The following HECW2 variants were observed in gnomAD, a reference collection of about 807,000 sequenced individuals.
HECW2 encodes the protein E3 ubiquitin-protein ligase HECW2.
A neutral mutation model predicts 175.2 loss-of-function variants in HECW2; 61 were observed. That is an observed-to-expected ratio of 0.35 (90% CI 0.28 to 0.43). The LOEUF (loss-of-function observed/expected upper bound fraction) is 0.43, where lower values mean the gene tolerates loss of function less well. HECW2 is among the 20% of genes least tolerant of loss of function. The probability of loss-of-function intolerance (pLI) is 1.00; values close to 1 mark genes in which losing one functional copy is unlikely to be tolerated. For synonymous variants in HECW2, 671 were observed against 731.0 expected, an observed-to-expected ratio of 0.92 and a Z score of 1.32; for missense variants, 1,524 against 2,000.5, an observed-to-expected ratio of 0.76 and a Z score of 4.54.
In HECW2 at chr2:196,541,557, G is replaced by T. The variant is rs532472936; in HGVS notation, c.-36+51951C>A. Among the ~76,000 whole-genome samples, 186 of 152,208 alleles carry T rather than the reference G, an allele frequency of 1.2e-3. 1 individual carries two copies. Among genetic ancestry groups the T allele is most frequent in the Non-Finnish European group, 2.0e-3 (135 of 68,020 alleles). ...GCACGGAGGAAGGCTTATGGGTATG[G>T]CTTCTGCAAGAAAGCCCAGAGGAAC... On this transcript the variant is annotated intron_variant, in intron 1 of 28. Coordinates refer to ENST00000644978, the MANE Select transcript of HECW2 (RefSeq NM_001348768.2).
intron 22 of HECW2, 115 bp from the exon 23 acceptor site, chr2:196,225,985 T>C: frequency 3.0e-6 from 2 of 656,922 alleles, no homozygotes; most frequent in Non-Finnish European, 5.6e-6. Flanking sequence ...CAATATTAAT[T>C]GCCTACTAGG....
rs762567242 is a variant in HECW2, at chr2:196,222,289, G to A, written c.4068C>T (p.Ser1356=). The A allele has an allele frequency of 1.9e-6, 3 of 1,613,352 alleles. No individual in the cohort carries two copies. The South Asian group carries it at 3.3e-5, about 18-fold the overall frequency. Residue 1356 remains serine (S), a synonymous_variant, in exon 24 of 29, where the codon AGC becomes AGT. Transcript: ENST00000644978. ...TATCATTGTCTTTCATCCACTGCAGGCTCTGATGGAACTCTTCATCAAGGT... is the reference window on the plus strand; with the variant it reads ...TATCATTGTCTTTCATCCACTGCAGACTCTGATGGAACTCTTCATCAAGGT... ...LEYLDEEFHQ[S]LQWMKDNDIH... is the part of the protein sequence containing the mutation.
chr2:196,361,695 G>A, intron 2 of HECW2: 2 of 600,144 alleles, frequency 3.3e-6, no homozygotes, highest in Non-Finnish European at 4.2e-6. Context: ...GCTGGGAGGG[G>A]ACCACTTTTA....
intron 1 of HECW2, among the ~76,000 whole-genome samples, chr2:196,480,411 A>T (rs1429620755): frequency 6.6e-6 from 1 of 151,872 alleles, no homozygotes; most frequent in Non-Finnish European, 1.5e-5. Context: ...TTTCCCCCCA[A>T]CTCTCAGTCC....
At chr2:196,462,342 T>G (rs76765426) in intron 1 of HECW2, among the ~76,000 whole-genome samples, 1,757 of 152,188 alleles carry the variant, frequency 0.012, 40 homozygotes, top group African/African-American at 0.04. Context: ...AGAATAAAAT[T>G]AAGGAACTCT....
chr2:196,428,748 C>T (rs913329451), intron 2 of HECW2, among the ~76,000 whole-genome samples: 16 of 152,268 alleles, frequency 1.1e-4, no homozygotes, highest in African/African-American at 3.1e-4. Context: ...ACACTCTCCA[C>T]GAAGTAGTAA....
At chr2:196,258,318 C>T (rs925583727) in intron 17 of HECW2, among the ~76,000 whole-genome samples, 7 of 152,152 alleles carry the variant, frequency 4.6e-5, no homozygotes, top group Non-Finnish European at 8.8e-5. Context: ...CATCTATTTT[C>T]CTGAGGCCAT....
chr2:196,486,062 T>C (rs1686992085), intron 1 of HECW2, among the ~76,000 whole-genome samples: 6 of 152,136 alleles, frequency 3.9e-5, no homozygotes. Flanking sequence ...ACAAAAATAG[T>C]GTGAGAAACA....
chr2:196,575,532 GAATA>G (rs1690531152), intron 1 of HECW2, among the ~76,000 whole-genome samples: 3 of 152,090 alleles, frequency 2.0e-5, no homozygotes, highest in South Asian at 4.2e-4. Flanking sequence ...GTACATGAAT[GAATA>G]AAGAAAATAT....
rs185799826 is a variant in HECW2 at position 196,534,492 on chromosome 2, T to C, written c.-36+59016A>G. ...TAAATAATATATAGCCTAAGGAGCATGGAAGAATCTTTTCAGCCTCAGAAA... is the reference window on the plus strand; with the variant it reads ...TAAATAATATATAGCCTAAGGAGCACGGAAGAATCTTTTCAGCCTCAGAAA... On this transcript the variant is annotated intron_variant, in intron 1 of 28. Transcript: ENST00000644978. Among the ~76,000 whole-genome samples the C allele has an allele frequency of 2.6e-5, 4 of 152,298 alleles. No individual in the cohort carries two copies. In the East Asian group the frequency reaches 7.7e-4, roughly 29 times the overall value.
At chr2:196,413,334 G>T (rs763037211) in intron 2 of HECW2, among the ~76,000 whole-genome samples, 7 of 151,598 alleles carry the variant, frequency 4.6e-5, no homozygotes, top group Admixed American at 2.0e-4. Flanking sequence ...CAGCCTGGGT[G>T]ACAGAGCAAG....
At chr2:196,221,638 C>T (rs1290417356) in intron 24 of HECW2, among the ~76,000 whole-genome samples, 1 of 152,178 alleles carries the variant, frequency 6.6e-6, no homozygotes, top group Non-Finnish European at 1.5e-5. Flanking sequence ...AGGCTCACTG[C>T]AGCCTCAACC....
intron 28 of HECW2, among the ~76,000 whole-genome samples, chr2:196,214,592 T>C (rs1687402975): frequency 6.6e-6 from 1 of 152,214 alleles, no homozygotes; most frequent in Non-Finnish European, 1.5e-5. Flanking sequence ...AAATAATGAA[T>C]TCCCAGATTT....
chr2:196,569,045 A>C (rs1690282760), intron 1 of HECW2, among the ~76,000 whole-genome samples: 1 of 152,196 alleles, frequency 6.6e-6, no homozygotes, highest in African/African-American at 2.4e-5. Context: ...CTTTGTTATA[A>C]AATAGGCTCT....
chr2:196,436,019 A>G (rs985146472), intron 1 of HECW2, among the ~76,000 whole-genome samples: 3 of 152,184 alleles, frequency 2.0e-5, no homozygotes, highest in African/African-American at 7.2e-5. Context: ...CATAGCGCCT[A>G]ACAGAAACAA....
intron 1 of HECW2, among the ~76,000 whole-genome samples, chr2:196,444,991 T>C (rs554929578): frequency 6.6e-6 from 1 of 152,206 alleles, no homozygotes; most frequent in Non-Finnish European, 1.5e-5. Flanking sequence ...GCAGTGTCCA[T>C]GCAATTCTTA....
intron 17 of HECW2, among the ~76,000 whole-genome samples, chr2:196,259,017 A>G (rs762462168): frequency 4.6e-5 from 7 of 152,218 alleles, no homozygotes; most frequent in Non-Finnish European, 8.8e-5. Context: ...TCTGTCGTCC[A>G]GGCCAGAGTG....
At chr2:196,330,489 T>C (rs1453496773) in intron 4 of HECW2, among the ~76,000 whole-genome samples, 1 of 152,244 alleles carries the variant, frequency 6.6e-6, no homozygotes, top group Non-Finnish European at 1.5e-5. Flanking sequence ...ATTATTTCCT[T>C]GAGCAAACTT....
intron 5 of HECW2, among the ~76,000 whole-genome samples, chr2:196,328,657 A>G (rs1692244941): frequency 6.6e-6 from 1 of 152,222 alleles, no homozygotes; most frequent in African/African-American, 2.4e-5. Context: ...TCTAATTTAA[A>G]TTTTGGAAGT....
Sources: allele counts gnomAD v4.1 joint callset (sites outside exome capture counted in the v4.1 genomes callset), GRCh38; gene constraint gnomAD v4.1.1; transcripts MANE v1.5; gene names NCBI Gene and HGNC (gene_info 2026-07-23, HGNC 2026-07-21).